The following KCNH7 variants were observed in gnomAD, a reference collection of about 807,000 sequenced individuals.
The protein encoded by KCNH7 is potassium voltage-gated channel subfamily H member 7.
Under a neutral mutation model 120.8 loss-of-function variants are expected in KCNH7, and 49 were observed. That is an observed-to-expected ratio of 0.41 (90% CI 0.32 to 0.51). The LOEUF (loss-of-function observed/expected upper bound fraction) is 0.51, where lower values mean the gene tolerates loss of function less well. Ranked by LOEUF, KCNH7 falls within the 20% of genes least tolerant of loss-of-function variation. KCNH7 has a pLI of 0.38. For synonymous variants in KCNH7, 547 were observed against 516.1 expected, an observed-to-expected ratio of 1.06 and a Z score of -0.81; for missense variants, 1,097 against 1,446.6, an observed-to-expected ratio of 0.76 and a Z score of 3.92.
intron 2 of KCNH7, among the ~76,000 whole-genome samples, chr2:162,813,823 T>G (rs1023666606): frequency 1.3e-5 from 2 of 152,204 alleles, no homozygotes; most frequent in Non-Finnish European, 2.9e-5. Context: ...GACTACTAAC[T>G]TCTAAACTTC....
intron 2 of KCNH7, among the ~76,000 whole-genome samples, chr2:162,817,333 G>C (rs897323788): frequency 1.3e-5 from 2 of 152,102 alleles, no homozygotes; most frequent in Non-Finnish European, 2.9e-5. Flanking sequence ...GCATTCTTTT[G>C]TTTCTGGCAT....
At chr2:162,527,291 TTAAC>T (rs1289880150) in intron 3 of KCNH7, among the ~76,000 whole-genome samples, 1 of 151,978 alleles carries the variant, frequency 6.6e-6, no homozygotes, top group African/African-American at 2.4e-5. Flanking sequence ...TATAAAACCT[TTAAC>T]TAAATTAATC....
chr2:162,456,510 C>T (rs1170690217), intron 6 of KCNH7, among the ~76,000 whole-genome samples: 2 of 151,918 alleles, frequency 1.3e-5, no homozygotes, highest in Admixed American at 6.6e-5. Flanking sequence ...GTTCTGTAGA[C>T]ATCTATTACG....
In KCNH7 at chr2:162,446,071, T is replaced by C; in HGVS notation, c.1501A>G (p.Met501Val). The C allele has an allele frequency of 5.6e-6, 9 of 1,613,902 alleles. No individual in the cohort carries two copies. Among genetic ancestry groups the C allele is most frequent in the Non-Finnish European group, 7.6e-6 (9 of 1,179,854 alleles). ...AAGTCAAAAGGAATTGCTGCAACCA[T>C]GTCAATCAGGAACCAGCCTTTGAAG... ...HYFKGWFLID[M>V]VAAIPFDLLI... The change falls in exon 7 of 16, where the codon ATG becomes GTG. Residue 501 changes from methionine to valine, a missense_variant. Met to Val is a conservative substitution (Grantham distance 21, BLOSUM62 1). Around this residue, in one of 8 missense-constraint regions of KCNH7, gnomAD observed 109 missense variants for 196.8 expected, o/e 0.55. Transcript: ENST00000332142.
At chr2:162,506,960 G>T (rs764131066) in intron 5 of KCNH7, among the ~76,000 whole-genome samples, 3 of 151,810 alleles carry the variant, frequency 2.0e-5, no homozygotes, top group Non-Finnish European at 4.4e-5. Flanking sequence ...CATTCATGCA[G>T]GTGAAAAGCC....
In KCNH7 at chr2:162,469,983, G is replaced by A. The variant is rs539967933; in HGVS notation, c.1129-23540C>T. On this transcript the variant is annotated intron_variant, in intron 6 of 15. Coordinates refer to ENST00000332142, the MANE Select transcript of KCNH7 (RefSeq NM_033272.4). ...CTCGGCCTCCCGAGGTGCCGGGATT[G>A]CAGACGGAGTCTCGTTCACTCAGTG... Among the ~76,000 whole-genome samples the A allele has an allele frequency of 1.1e-3, 166 of 152,364 alleles. 6 individuals are homozygous for A. The South Asian group carries it at 0.033, about 30-fold the overall frequency.
chr2:162,635,040 C>T lies in KCNH7; in HGVS notation c.308-97960G>A, dbSNP rs549315223. 3.9e-5 allele frequency among the ~76,000 whole-genome samples: 6 copies of T among 152,106 alleles called. No homozygotes were observed. The South Asian group carries it at 1.2e-3, about 31-fold the overall frequency. On this transcript the variant is annotated intron_variant, in intron 2 of 15. Coordinates refer to ENST00000332142, the MANE Select transcript of KCNH7 (RefSeq NM_033272.4). ...TTAATAATGCAGTTCTTCTGTTATA[C>T]CAGTCATGTTTCAACTGCTTAATAG...
chr2:162,587,205 T>G (rs1022042240), intron 2 of KCNH7, among the ~76,000 whole-genome samples: 2 of 152,156 alleles, frequency 1.3e-5, no homozygotes, highest in African/African-American at 4.8e-5. Flanking sequence ...TAGGAAAACT[T>G]GTGTAGATTT....
chr2:162,723,479 C>A (rs1260962040), intron 2 of KCNH7, among the ~76,000 whole-genome samples: 7 of 152,136 alleles, frequency 4.6e-5, no homozygotes, highest in African/African-American at 1.7e-4. Context: ...ACATGACAAC[C>A]AGGATAAATC....
intron 2 of KCNH7, among the ~76,000 whole-genome samples, chr2:162,713,570 G>A (rs1687002345): frequency 6.6e-6 from 1 of 151,928 alleles, no homozygotes; most frequent in African/African-American, 2.4e-5. Flanking sequence ...AAACTGAAAG[G>A]TAGTATATAT....
intron 2 of KCNH7, among the ~76,000 whole-genome samples, chr2:162,666,854 A>G (rs927473608): frequency 3.3e-5 from 5 of 152,070 alleles, no homozygotes; most frequent in African/African-American, 1.2e-4. Context: ...TCCTCTGGTC[A>G]TTAAAAATTA....
chr2:162,649,487 C>T (rs1684491848), intron 2 of KCNH7, among the ~76,000 whole-genome samples: 1 of 152,150 alleles, frequency 6.6e-6, no homozygotes, highest in South Asian at 2.1e-4. Flanking sequence ...TAAATATTAA[C>T]TCTCTCCTGA....
At chr2:162,785,486 C>T (rs1683665964) in intron 2 of KCNH7, among the ~76,000 whole-genome samples, 1 of 152,126 alleles carries the variant, frequency 6.6e-6, no homozygotes, top group African/African-American at 2.4e-5. Context: ...AGTTTTACAA[C>T]ATTTCACTGA....
At chr2:162,776,774 C>G (rs1413080631) in intron 2 of KCNH7, among the ~76,000 whole-genome samples, 1 of 152,178 alleles carries the variant, frequency 6.6e-6, no homozygotes, top group African/African-American at 2.4e-5. Context: ...TTCTCCCACT[C>G]ATTTTTACCT....
intron 6 of KCNH7, 151 bp downstream of exon 6, chr2:162,504,292 A>G: frequency 6.4e-6 from 4 of 628,676 alleles, no homozygotes; most frequent in Non-Finnish European, 1.1e-5. Flanking sequence ...CTGTTATATT[A>G]GAGAGTTACC....
chr2:162,821,239 T>C (rs1685111274), intron 2 of KCNH7, among the ~76,000 whole-genome samples: 1 of 152,228 alleles, frequency 6.6e-6, no homozygotes, highest in Non-Finnish European at 1.5e-5. Context: ...GAATTCAATC[T>C]TTTTACCTTT....
At chr2:162,685,326 C>G (rs1253701572) in intron 2 of KCNH7, among the ~76,000 whole-genome samples, 1 of 151,896 alleles carries the variant, frequency 6.6e-6, no homozygotes, top group Non-Finnish European at 1.5e-5. Flanking sequence ...GACATGTATC[C>G]CTGAACTTAA....
intron 6 of KCNH7, among the ~76,000 whole-genome samples, chr2:162,470,203 G>T (rs1689461215): frequency 6.6e-6 from 1 of 151,508 alleles, no homozygotes; most frequent in Non-Finnish European, 1.5e-5. Context: ...CTGCCTGGCT[G>T]CCCAGTCTGG....
chr2:162,801,834 A>T (rs891821674), intron 2 of KCNH7, among the ~76,000 whole-genome samples: 3 of 151,766 alleles, frequency 2.0e-5, no homozygotes, highest in African/African-American at 7.2e-5. Context: ...AAGTTGTTGG[A>T]AGAGGGAGCC....
Sources: gnomAD v4.1 joint callset for allele counts (sites outside exome capture counted in the v4.1 genomes callset) on GRCh38, gnomAD v4.1.1 for gene constraint, gnomAD v4.1.1 regional missense constraint, MANE v1.5 for transcripts, NCBI Gene and HGNC (gene_info 2026-07-23, HGNC 2026-07-21) for gene names.